Variants in RNF180 observed in about 807,000 individuals in gnomAD.
RNF180 encodes the protein ring finger protein 180.
RNF180 carries 38 observed loss-of-function variants against 59.2 expected under a neutral mutation model. The ratio of observed to expected loss-of-function variants is 0.64; its 90% CI spans 0.50 to 0.84. The LOEUF (loss-of-function observed/expected upper bound fraction) is 0.84. Ranked by LOEUF, RNF180 falls within the 40% of genes least tolerant of loss-of-function variation. The pLI, the probability that RNF180 is intolerant of heterozygous loss-of-function variation, is 0.00. For missense variants in RNF180, 705 were observed against 700.9 expected, an observed-to-expected ratio of 1.01 and a Z score of -0.07; for synonymous variants, 262 against 240.3, an observed-to-expected ratio of 1.09 and a Z score of -0.84.
intron 6 of RNF180, 40 bp from the exon 7 acceptor site, chr5:64,330,241 A>G (rs1433117405): frequency 7.5e-7 from 1 of 1,331,766 alleles, no homozygotes. Flanking sequence ...ATTTTACTCA[A>G]ATTAATTTCA....
chr5:64,265,421 G>A (rs185555439), intron 5 of RNF180, among the ~76,000 whole-genome samples: 247 of 152,156 alleles, frequency 1.6e-3, no homozygotes, highest in Non-Finnish European at 2.8e-3. Context: ...TAAGGGAGGG[G>A]TCCAGTTTCA....
chr5:64,181,105 G>A (rs1387990513), intron 1 of RNF180, among the ~76,000 whole-genome samples: 3 of 152,190 alleles, frequency 2.0e-5, no homozygotes, highest in African/African-American at 7.2e-5. Context: ...AATGAAGGCT[G>A]GATGACTCAG....
At chr5:64,258,624 A>G (rs1580128600) in intron 5 of RNF180, among the ~76,000 whole-genome samples, 1 of 152,184 alleles carries the variant, frequency 6.6e-6, no homozygotes, top group African/African-American at 2.4e-5. Flanking sequence ...TGCTAGACAT[A>G]TTGAGATTGA....
At chr5:64,349,536 T>C (rs1396404858) in intron 7 of RNF180, among the ~76,000 whole-genome samples, 1 of 151,984 alleles carries the variant, frequency 6.6e-6, no homozygotes, top group Non-Finnish European at 1.5e-5. Flanking sequence ...ACCCATTAAC[T>C]CATCATTTAC....
chr5:64,257,670 T>C (rs561191620), intron 5 of RNF180, among the ~76,000 whole-genome samples: 14 of 152,306 alleles, frequency 9.2e-5, no homozygotes, highest in Non-Finnish European at 1.6e-4. Flanking sequence ...TTCTCTTTTT[T>C]GTGTGTGTGT....
chr5:64,367,601 T>C (rs1746502025), intron 7 of RNF180, among the ~76,000 whole-genome samples: 1 of 151,634 alleles, frequency 6.6e-6, no homozygotes, highest in African/African-American at 2.4e-5. Context: ...ACATAAAAAA[T>C]AGGATAGTTC....
intron 1 of RNF180, among the ~76,000 whole-genome samples, chr5:64,188,060 T>C (rs1750956129): frequency 1.3e-5 from 2 of 152,168 alleles, no homozygotes; most frequent in Non-Finnish European, 2.9e-5. Flanking sequence ...GAAGATTCAA[T>C]ATCAGTAGGG....
At chr5:64,195,289 A>G (rs1017983742) in intron 1 of RNF180, among the ~76,000 whole-genome samples, 1 of 152,210 alleles carries the variant, frequency 6.6e-6, no homozygotes, top group Non-Finnish European at 1.5e-5. Context: ...TTGAATTTAA[A>G]CATTTTTAAA....
intron 2 of RNF180, among the ~76,000 whole-genome samples, chr5:64,210,507 A>G (rs1452582967): frequency 6.6e-6 from 1 of 152,100 alleles, no homozygotes; most frequent in Non-Finnish European, 1.5e-5. Context: ...TATTTGTATT[A>G]TGTTGTGGGT....
At position 64,292,896 on chromosome 5, in the gene RNF180, G is replaced by A. The variant is rs562889990; in HGVS notation, c.1228-32290G>A. 4.4e-4 allele frequency among the ~76,000 whole-genome samples: 67 copies of A among 152,276 alleles called. 1 individual carries two copies. The South Asian group carries it at 0.01, about 23-fold the overall frequency. On this transcript the variant is annotated intron_variant, in intron 5 of 7. Coordinates refer to ENST00000389100, the MANE Select transcript of RNF180 (RefSeq NM_001113561.2). Reference sequence around the variant, plus strand: ...GCATTGGGGTCCCACTCAAAGAAGCGGTCTGGCCACAATCTGGCACAGCAG... The same window carrying A: ...GCATTGGGGTCCCACTCAAAGAAGCAGTCTGGCCACAATCTGGCACAGCAG...
intron 1 of RNF180, among the ~76,000 whole-genome samples, chr5:64,176,397 A>C (rs900596286): frequency 6.6e-6 from 1 of 152,104 alleles, no homozygotes; most frequent in Non-Finnish European, 1.5e-5. Flanking sequence ...CTTTCCAGAA[A>C]ACCAGCTCTG....
chr5:64,282,606 A>G (rs545912426), intron 5 of RNF180, among the ~76,000 whole-genome samples: 1 of 152,214 alleles, frequency 6.6e-6, no homozygotes, highest in East Asian at 1.9e-4. Flanking sequence ...TTATTTCTCT[A>G]GTTCCTCTAG....
At chr5:64,315,183 A>G (rs1743973548) in intron 5 of RNF180, among the ~76,000 whole-genome samples, 1 of 152,230 alleles carries the variant, frequency 6.6e-6, no homozygotes, top group Admixed American at 6.5e-5. Context: ...CAGTCACTTA[A>G]CAAAAGTCAT....
At chr5:64,277,582 A>C (rs1325538982) in intron 5 of RNF180, among the ~76,000 whole-genome samples, 1 of 152,096 alleles carries the variant, frequency 6.6e-6, no homozygotes, top group African/African-American at 2.4e-5. Context: ...TAAATAACAA[A>C]AACAGGATTG....
chr5:64,306,798 G>A (rs562681930), intron 5 of RNF180, among the ~76,000 whole-genome samples: 1 of 151,132 alleles, frequency 6.6e-6, no homozygotes, highest in African/African-American at 2.4e-5. Context: ...CACAGGAAGG[G>A]GAACATCACA....
chr5:64,234,578 C>CTTTTTTTTTTTTTTT lies in RNF180; in HGVS notation c.1227+17207_1227+17221dup, dbSNP rs1171637074. Among the ~76,000 whole-genome samples, 28 of 48,524 alleles carry CTTTTTTTTTTTTTTT rather than the reference C, an allele frequency of 5.8e-4. 11 individuals carry two copies. The highest frequency in any genetic ancestry group is 3.9e-3 in the South Asian group (4 of 1,030). 31.8% of individuals were successfully genotyped at this position (48,524 alleles called of 152,430 possible). ...GCTTTCCAAATGGCAGTTACCCGTT[C>CTTTTTTTTTTTTTTT]TTTTTTTTTTTTTTTTTTTTTTTTT... On this transcript the variant is annotated intron_variant, in intron 5 of 7. Transcript: ENST00000389100.
At chr5:64,360,358 T>C (rs1163576934) in intron 7 of RNF180, among the ~76,000 whole-genome samples, 1 of 151,706 alleles carries the variant, frequency 6.6e-6, no homozygotes, top group Non-Finnish European at 1.5e-5. Context: ...TTGACAAAAT[T>C]CAACAACCCT....
chr5:64,209,069 T>C (rs1752172895), intron 2 of RNF180, among the ~76,000 whole-genome samples: 1 of 152,020 alleles, frequency 6.6e-6, no homozygotes, highest in South Asian at 2.1e-4. Context: ...TTTATTGCCC[T>C]AAAAACTATA....
chr5:64,189,879 G>A lies in RNF180; in HGVS notation c.1-10929G>A, dbSNP rs185324629. ...AGGACAAAATAAAGGAAGGCTTTCA[G>A]ACTTCTGGGATTCTACAGAAAAGGA... On this transcript the variant is annotated intron_variant, in intron 1 of 7. Transcript: ENST00000389100. 6.2e-4 allele frequency among the ~76,000 whole-genome samples: 95 copies of A among 152,304 alleles called. 1 individual carries two copies. The highest frequency in any genetic ancestry group is 3.3e-3 in the Admixed American group (50 of 15,302).
Sources: gnomAD v4.1 joint callset for allele counts (sites outside exome capture counted in the v4.1 genomes callset) on GRCh38, gnomAD v4.1.1 for gene constraint, MANE v1.5 for transcripts, NCBI Gene and HGNC (gene_info 2026-07-23, HGNC 2026-07-21) for gene names.